TARBP1: variants seen among roughly 807,000 people sequenced by gnomAD.
TARBP1 encodes tRNA (guanosine(18)-2'-O)-methyltransferase TARBP1.
Under a neutral mutation model 178.6 loss-of-function variants are expected in TARBP1, and 144 were observed. The observed-to-expected ratio is 0.81, with a 90% CI of 0.70 to 0.93. TARBP1 has a LOEUF of 0.93. TARBP1 is among the 40% of genes least tolerant of loss of function. The pLI, the probability that TARBP1 is intolerant of heterozygous loss-of-function variation, is 0.00. For missense variants in TARBP1, 2,067 were observed against 2,011.7 expected (o/e 1.03, Z -0.53); for synonymous variants, 787 against 781.0 (o/e 1.01, Z -0.13).
chr1:234,408,747 C>T (rs564790659), intron 23 of TARBP1, among the ~76,000 whole-genome samples: 1 of 152,254 alleles, frequency 6.6e-6, no homozygotes, highest in African/African-American at 2.4e-5. Flanking sequence ...ACTGGCCTTC[C>T]CCCTCCCACC....
At chr1:234,399,138 A>G (rs567820421) in intron 25 of TARBP1, among the ~76,000 whole-genome samples, 1 of 152,356 alleles carries the variant, frequency 6.6e-6, no homozygotes, top group East Asian at 1.9e-4. Context: ...ACACCACTGT[A>G]AACAGTCATC....
At chr1:234,406,386 G>C (rs1168576935) in intron 23 of TARBP1, 2 of 358,638 alleles carry the variant, frequency 5.6e-6, no homozygotes, top group Non-Finnish European at 5.1e-6. Flanking sequence ...CTTGAAAAAA[G>C]TATGTTTTAT....
chr1:234,477,337 T>C (rs1198100668), intron 1 of TARBP1, among the ~76,000 whole-genome samples: 4 of 152,280 alleles, frequency 2.6e-5, no homozygotes, highest in African/African-American at 7.2e-5. Flanking sequence ...TACTCTCTAA[T>C]GTTTTAAAAT....
chr1:234,444,600 C>A (rs1453172415), intron 12 of TARBP1, among the ~76,000 whole-genome samples: 1 of 152,094 alleles, frequency 6.6e-6, no homozygotes, highest in Non-Finnish European at 1.5e-5. Context: ...TGCCTCAGAG[C>A]ACTCACAAAG....
intron 12 of TARBP1, among the ~76,000 whole-genome samples, chr1:234,439,965 A>G (rs1400271482): frequency 6.6e-6 from 1 of 152,248 alleles, no homozygotes; most frequent in Non-Finnish European, 1.5e-5. Flanking sequence ...TCCAGAGTAC[A>G]TGAAACATTC....
At position 234,393,235 on chromosome 1, in the gene TARBP1, C is replaced by T. The variant is rs886641238; in HGVS notation, c.4560+127G>A. On this transcript the variant is annotated intron_variant, in intron 28 of 29. Coordinates refer to ENST00000040877, the MANE Select transcript of TARBP1 (RefSeq NM_005646.4). ...TATAAATTATGCAAAAGGACTAATA[C>T]ACAAAGATAGAGCACTATAAAATAT... The T allele has an allele frequency of 1.2e-5, 12 of 1,029,830 alleles. No individual in the cohort carries two copies. In the East Asian group the frequency reaches 2.5e-4, roughly 22 times the overall value. 63.8% of individuals were successfully genotyped at this position (1,029,830 alleles called of 1,614,324 possible). A position where few individuals can be genotyped will look rare whatever the true frequency, so the allele number is the denominator to read the frequency against.
chr1:234,420,175 G>A (rs905040631), intron 21 of TARBP1, among the ~76,000 whole-genome samples: 7 of 152,206 alleles, frequency 4.6e-5, no homozygotes, highest in Admixed American at 4.6e-4. Context: ...GGAAGAAAAG[G>A]TAACTTTGGA....
intron 7 of TARBP1, among the ~76,000 whole-genome samples, 159 bp from the exon 8 acceptor site, chr1:234,459,485 C>T (rs1205147399): frequency 6.6e-6 from 1 of 152,096 alleles, no homozygotes; most frequent in East Asian, 1.9e-4. Context: ...CTATTAAGAG[C>T]TCAATTTTAC....
rs191020284 is a variant in TARBP1, at chr1:234,465,567, T to C, written c.1301+89A>G. The C allele has an allele frequency of 4.1e-5, 50 of 1,215,404 alleles. No homozygotes were observed. In the East Asian group the frequency reaches 6.1e-4, roughly 15 times the overall value. 75.3% of individuals were successfully genotyped at this position (1,215,404 alleles called of 1,614,324 possible). On this transcript the variant is annotated intron_variant, in intron 5 of 29. Coordinates refer to ENST00000040877, the MANE Select transcript of TARBP1 (RefSeq NM_005646.4). Reference sequence around the variant, plus strand: ...CTCAACTGTCTATTCAGCAACATACTGTATGTGCCAAATGCATGAAACAAT... The same window carrying C: ...CTCAACTGTCTATTCAGCAACATACCGTATGTGCCAAATGCATGAAACAAT...
intron 26 of TARBP1, among the ~76,000 whole-genome samples, chr1:234,396,079 A>G (rs1659904056): frequency 1.3e-5 from 2 of 152,214 alleles, no homozygotes; most frequent in South Asian, 4.1e-4. Context: ...TTCTTTAAAA[A>G]AGAAAAAAAA....
At position 234,463,866 on chromosome 1, in the gene TARBP1, T is replaced by C; in HGVS notation, c.1370A>G (p.Tyr457Cys). The C allele has an allele frequency of 6.3e-7, 1 of 1,594,308 alleles. No homozygotes were observed. The highest frequency in any genetic ancestry group is 1.1e-5 in the South Asian group (1 of 87,642). ...GLKLQKFLVT[Y>C]ISLLPEEIKS... is the part of the protein sequence containing the mutation. ...TATTTCTTCTGGAAGAAGAGAAATA[T>C]AAGTGACTAAAAACTTCTGTAATTT... Residue 457 changes from tyrosine to cysteine, a missense_variant, in exon 6 of 30, where the codon TAT becomes TGT. By Grantham distance (194) the Tyr-to-Cys change is radical. Transcript: ENST00000040877.
At chr1:234,457,644 T>C (rs1667420968) in intron 9 of TARBP1, 23 bp downstream of exon 9, 2 of 1,525,100 alleles carry the variant, frequency 1.3e-6, no homozygotes, top group East Asian at 4.6e-5. Flanking sequence ...TCAAAGACTT[T>C]ATTAAATTAT....
intron 21 of TARBP1, among the ~76,000 whole-genome samples, chr1:234,419,395 TG>T (rs1662832874): frequency 1.3e-5 from 2 of 152,272 alleles, no homozygotes; most frequent in Admixed American, 1.3e-4. Context: ...CCACTAGCTG[TG>T]TAACCTCTCG....
chr1:234,437,404 T>C (rs1275464392), intron 12 of TARBP1, 32 bp from the exon 13 acceptor site: 3 of 1,156,292 alleles, frequency 2.6e-6, no homozygotes, highest in East Asian at 2.5e-5. Context: ...GCAACTAAAA[T>C]GACAGCAGTT....
intron 6 of TARBP1, among the ~76,000 whole-genome samples, chr1:234,461,577 G>A (rs1053703283): frequency 1.3e-5 from 2 of 152,172 alleles, no homozygotes; most frequent in Non-Finnish European, 2.9e-5. Flanking sequence ...AAAGTGCTGA[G>A]ACTACAGGCG....
chr1:234,455,993 T>C (rs1667233754), intron 9 of TARBP1, among the ~76,000 whole-genome samples: 2 of 152,210 alleles, frequency 1.3e-5, no homozygotes, highest in Non-Finnish European at 2.9e-5. Context: ...AATGCTATGT[T>C]TTATCTACCA....
In TARBP1 at chr1:234,471,211, TCAAA is replaced by T. The variant is rs779010275; in HGVS notation, c.1072_1075del (p.Phe358AsnfsTer64). On this transcript the variant is annotated frameshift_variant, in exon 3 of 30. Transcript: ENST00000040877. LOFTEE classifies it high-confidence loss of function. The stretch of plus-strand genomic sequence containing the variant: ...ACCATTTTCCTCTGACACCGCATAT[TCAAA>T]CAGATTGTTTAGCTTTGGTAAAACT... 3 of 1,602,224 alleles carry T rather than the reference TCAAA, an allele frequency of 1.9e-6. No homozygotes were observed. Among genetic ancestry groups the T allele is most frequent in the South Asian group, 2.3e-5 (2 of 88,000 alleles).
chr1:234,398,361 A>T (rs745780011), intron 26 of TARBP1, 21 bp downstream of exon 26: 3 of 1,556,440 alleles, frequency 1.9e-6, no homozygotes, highest in Non-Finnish European at 1.7e-6. Flanking sequence ...GGGAAAAAAT[A>T]AAATGAAAAT....
At chr1:234,391,888 T>C (rs1215859855) in intron 29 of TARBP1, 143 bp from the exon 30 acceptor site, 3 of 921,530 alleles carry the variant, frequency 3.3e-6, no homozygotes, top group Non-Finnish European at 4.9e-6. Flanking sequence ...CAAATGAAGT[T>C]AAGTCTGTAG....
Sources: allele counts gnomAD v4.1 joint callset (sites outside exome capture counted in the v4.1 genomes callset), GRCh38; gene constraint gnomAD v4.1.1; transcripts MANE v1.5; gene names NCBI Gene and HGNC (gene_info 2026-07-23, HGNC 2026-07-21).